MTARC1: variants seen among roughly 807,000 people sequenced by gnomAD.
MTARC1 encodes mitochondrial amidoxime-reducing component 1.
Under a neutral mutation model 33.6 loss-of-function variants are expected in MTARC1, and 24 were observed. The observed-to-expected ratio is 0.72, with a 90% CI of 0.52 to 1.01. The LOEUF is 1.01. Among genes scored for constraint, MTARC1 ranks in the 50% least tolerant of loss-of-function variants. The pLI is 0.00. For missense variants in MTARC1, 417 were observed against 445.7 expected (o/e 0.94, Z 0.58); for synonymous variants, 187 against 189.5 (o/e 0.99, Z 0.11).
At position 220,791,606 on chromosome 1, in the gene MTARC1, A is replaced by ACAAAGGAC. The variant is rs1558084096; in HGVS notation, c.393_400dup (p.Leu134GlnfsTer26). The ACAAAGGAC allele has an allele frequency of 1.2e-6, 2 of 1,614,164 alleles. No individual in the cohort carries two copies. Among genetic ancestry groups the ACAAAGGAC allele is most frequent in the Non-Finnish European group, 1.7e-6 (2 of 1,180,034 alleles). ...CACCCTGACTCTCAGTGCAGCCTAC[A>ACAAAGGAC]CAAAGGACCTACTACTGCCTATCAA... On this transcript the variant is annotated frameshift_variant, in exon 2 of 7. Transcript: ENST00000366910. LOFTEE classifies it high-confidence loss of function.
chr1:220,805,137 G>T (rs764537118), intron 5 of MTARC1, 24 bp downstream of exon 5: 18 of 1,613,972 alleles, frequency 1.1e-5, no homozygotes, highest in African/African-American at 2.7e-5. Flanking sequence ...CTGTCCCTGT[G>T]GGGTGGAGGT....
intron 6 of MTARC1, among the ~76,000 whole-genome samples, chr1:220,809,281 C>T (rs976190807): frequency 2.0e-5 from 3 of 152,138 alleles, no homozygotes; most frequent in African/African-American, 7.2e-5. Flanking sequence ...TGATAAAATA[C>T]TGTACACAGT....
chr1:220,805,281 C>A lies in MTARC1; in HGVS notation c.887+7C>A, dbSNP rs549472648. On this transcript the variant is annotated splice_region_variant and intron_variant, in intron 6 of 6. Transcript: ENST00000366910. ...CGCTGGAAACACTGAAGAGGTAGGA[C>A]TGGGCAGACGGGGCTCATCCTCGGG... 15 of 1,612,578 alleles carry A rather than the reference C, an allele frequency of 9.3e-6. No individual in the cohort carries two copies. In the South Asian group the frequency reaches 1.6e-4, roughly 18 times the overall value.
intron 6 of MTARC1, among the ~76,000 whole-genome samples, chr1:220,807,249 A>C (rs1672997832): frequency 6.6e-6 from 1 of 152,204 alleles, no homozygotes; most frequent in Admixed American, 6.5e-5. Context: ...GCAAAAAGAC[A>C]ATACAGTGGA....
chr1:220,806,906 G>A (rs1193575506), intron 6 of MTARC1, among the ~76,000 whole-genome samples: 2 of 152,196 alleles, frequency 1.3e-5, no homozygotes, highest in Non-Finnish European at 2.9e-5. Flanking sequence ...GGGGGTTTGT[G>A]GTACTCAAGG....
At chr1:220,808,963 T>C (rs1673048925) in intron 6 of MTARC1, 1 of 467,184 alleles carries the variant, frequency 2.1e-6, no homozygotes, top group Admixed American at 2.4e-5. Context: ...ATAGCACAGT[T>C]ACTGCATGGG....
intron 2 of MTARC1, among the ~76,000 whole-genome samples, chr1:220,795,119 G>A (rs1558086006): frequency 6.6e-6 from 1 of 152,162 alleles, no homozygotes; most frequent in Non-Finnish European, 1.5e-5. Flanking sequence ...TGGATTAAAT[G>A]TTTGATTTAT....
At chr1:220,802,997 C>T (rs1473957892) in intron 4 of MTARC1, among the ~76,000 whole-genome samples, 1 of 152,230 alleles carries the variant, frequency 6.6e-6, no homozygotes, top group African/African-American at 2.4e-5. Context: ...TCATTACATT[C>T]CTCTGTAACC....
chr1:220,788,706 G>C (rs1377570492), intron 1 of MTARC1, among the ~76,000 whole-genome samples: 1 of 151,514 alleles, frequency 6.6e-6, no homozygotes, highest in Non-Finnish European at 1.5e-5. Context: ...GGAGAATGGC[G>C]TGAACCCGGG....
intron 4 of MTARC1, among the ~76,000 whole-genome samples, chr1:220,803,793 T>C (rs909263527): frequency 4.6e-5 from 7 of 152,120 alleles, no homozygotes; most frequent in Non-Finnish European, 2.9e-5. Flanking sequence ...TTTATACCCT[T>C]TTTATGTGTT....
chr1:220,812,904 T>C (rs1241578412), intron 6 of MTARC1, among the ~76,000 whole-genome samples: 1 of 152,020 alleles, frequency 6.6e-6, no homozygotes, highest in Non-Finnish European at 1.5e-5. Context: ...TTTTGTATTT[T>C]TAGTAGAGAT....
chr1:220,799,259 G>A (rs1287721461), intron 4 of MTARC1: 9 of 861,210 alleles, frequency 1.0e-5, no homozygotes, highest in Non-Finnish European at 1.3e-5. Context: ...TAAAGATGGT[G>A]GAGAACTTCC....
chr1:220,813,434 C>T lies in MTARC1; in HGVS notation c.*16C>T. The T allele has an allele frequency of 6.2e-7, 1 of 1,613,574 alleles. No individual in the cohort carries two copies. The highest frequency in any genetic ancestry group is 8.5e-7 in the Non-Finnish European group (1 of 1,179,708). On this transcript the variant is annotated 3_prime_UTR_variant, in exon 7 of 7. Transcript: ENST00000366910. ...GGGCCAGTAATGGGAACCGTATGTC[C>T]TGGAATATTAGATGCCTTTTAAAAA... is the stretch of plus-strand genomic sequence containing the variant.
At chr1:220,792,022 C>G (rs1050514143) in intron 2 of MTARC1, among the ~76,000 whole-genome samples, 3 of 152,162 alleles carry the variant, frequency 2.0e-5, no homozygotes, top group African/African-American at 7.2e-5. Context: ...GAAACTCGAT[C>G]TACGTATTCT....
At chr1:220,804,289 C>G (rs993908442) in intron 4 of MTARC1, among the ~76,000 whole-genome samples, 6 of 152,174 alleles carry the variant, frequency 3.9e-5, no homozygotes, top group Non-Finnish European at 8.8e-5. Flanking sequence ...CTCTGAATCC[C>G]CAGAGTAAGC....
chr1:220,796,665 G>A lies in MTARC1; in HGVS notation c.472G>A (p.Gly158Ser). ...KCRVHGLEIE[G>S]RDCGEATAQW... The stretch of plus-strand genomic sequence containing the variant: ...CAGAGTGCACGGCCTGGAGATAGAG[G>A]GCAGGGACTGTGGCGAGGCCACCGC... Residue 158 changes from glycine (G) to serine (S), a missense_variant, in exon 3 of 7, where the codon GGC (glycine) becomes AGC (serine). Coordinates refer to ENST00000366910, the MANE Select transcript of MTARC1 (RefSeq NM_022746.4). 1 of 1,609,078 alleles carries A rather than the reference G, an allele frequency of 6.2e-7. No individual in the cohort carries two copies. Among genetic ancestry groups the A allele is most frequent in the Non-Finnish European group, 8.5e-7 (1 of 1,178,040 alleles).
At chr1:220,797,721 A>T in intron 3 of MTARC1, 153 bp from the exon 4 acceptor site, 1 of 702,838 alleles carries the variant, frequency 1.4e-6, no homozygotes, top group Non-Finnish European at 2.3e-6. Flanking sequence ...CTTCTGAGTC[A>T]CTGTGACTTC....
intron 4 of MTARC1, 148 bp downstream of exon 4, chr1:220,798,162 C>T (rs1672681463): frequency 6.3e-7 from 1 of 1,592,506 alleles, no homozygotes; most frequent in African/African-American, 1.3e-5. Flanking sequence ...ATTTATTCAG[C>T]ACTTAATAAG....
chr1:220,787,354 T>A, intron 1 of MTARC1, 135 bp downstream of exon 1: 1 of 1,336,830 alleles, frequency 7.5e-7, no homozygotes, highest in Non-Finnish European at 9.6e-7. Flanking sequence ...GGGAGTTGGG[T>A]GAGACAAGGC....
Sources: gnomAD v4.1 joint callset for allele counts (sites outside exome capture counted in the v4.1 genomes callset) on GRCh38, gnomAD v4.1.1 for gene constraint, MANE v1.5 for transcripts, NCBI Gene and HGNC (gene_info 2026-07-23, HGNC 2026-07-21) for gene names.